The following PPM1H variants were observed in gnomAD, a reference collection of about 807,000 sequenced individuals.
PPM1H encodes the protein protein phosphatase 1H.
PPM1H carries 27 observed loss-of-function variants against 54.9 expected under a neutral mutation model. That is an observed-to-expected ratio of 0.49 (90% confidence interval 0.36 to 0.68). PPM1H has a LOEUF of 0.68. Ranked by LOEUF, PPM1H falls within the 30% of genes least tolerant of loss-of-function variation. The pLI is 0.00. For missense variants in PPM1H, 596 were observed against 667.8 expected, an observed-to-expected ratio of 0.89 and a Z score of 1.19; for synonymous variants, 305 against 270.8, an observed-to-expected ratio of 1.13 and a Z score of -1.24.
intron 4 of PPM1H, among the ~76,000 whole-genome samples, chr12:62,772,682 G>C (rs1018806148): frequency 6.6e-6 from 1 of 152,054 alleles, no homozygotes; most frequent in Non-Finnish European, 1.5e-5. Flanking sequence ...CCCTTATGAA[G>C]GGATTCTGGA....
intron 2 of PPM1H, among the ~76,000 whole-genome samples, chr12:62,808,565 G>C (rs1342005609): frequency 2.6e-5 from 4 of 151,964 alleles, no homozygotes; most frequent in Non-Finnish European, 4.4e-5. Context: ...TGCCGTCTCT[G>C]ATTGAATCTC....
intron 6 of PPM1H, among the ~76,000 whole-genome samples, chr12:62,718,998 A>T (rs921837327): frequency 6.6e-6 from 1 of 152,250 alleles, no homozygotes; most frequent in Non-Finnish European, 1.5e-5. Context: ...AAATGGGTGT[A>T]GCTATATTTT....
chr12:62,715,030 G>A (rs978914168), intron 6 of PPM1H, among the ~76,000 whole-genome samples: 6 of 152,200 alleles, frequency 3.9e-5, no homozygotes, highest in Non-Finnish European at 8.8e-5. Flanking sequence ...CACGAAGTAC[G>A]CTGATCCTAC....
At chr12:62,796,817 C>G (rs1303455410) in intron 3 of PPM1H, among the ~76,000 whole-genome samples, 2 of 152,330 alleles carry the variant, frequency 1.3e-5, no homozygotes, top group Admixed American at 6.5e-5. Context: ...TTAGGCTATT[C>G]TTTCATTTTA....
chr12:62,757,977 G>A (rs2076485811), intron 4 of PPM1H, among the ~76,000 whole-genome samples: 1 of 152,174 alleles, frequency 6.6e-6, no homozygotes, highest in African/African-American at 2.4e-5. Context: ...GGTTTAGAAG[G>A]AATTAGAAAG....
At chr12:62,898,405 G>T (rs1871060939) in intron 1 of PPM1H, among the ~76,000 whole-genome samples, 2 of 152,162 alleles carry the variant, frequency 1.3e-5, no homozygotes, top group South Asian at 2.1e-4. Context: ...TCAGTGTGGG[G>T]CGACAAAGGA....
chr12:62,874,398 A>T (rs1047211737), intron 1 of PPM1H, among the ~76,000 whole-genome samples: 3 of 152,198 alleles, frequency 2.0e-5, no homozygotes, highest in Non-Finnish European at 4.4e-5. Context: ...CCCAGGATAC[A>T]CCTTTAACAT....
chr12:62,731,117 T>TTATAATTAG, intron 5 of PPM1H, among the ~76,000 whole-genome samples: 1 of 152,220 alleles, frequency 6.6e-6, no homozygotes, highest in African/African-American at 2.4e-5. Flanking sequence ...AGTTCACATT[T>TTATAATTAG]AAATTTCTAC....
At chr12:62,853,578 C>T (rs1329323928) in intron 1 of PPM1H, among the ~76,000 whole-genome samples, 2 of 152,144 alleles carry the variant, frequency 1.3e-5, no homozygotes, top group South Asian at 2.1e-4. Flanking sequence ...ATGTAGTTCT[C>T]GGTTTCCTGG....
intron 1 of PPM1H, among the ~76,000 whole-genome samples, chr12:62,903,175 G>GA (rs1301577542): frequency 6.6e-6 from 1 of 152,132 alleles, no homozygotes; most frequent in Admixed American, 6.6e-5. Flanking sequence ...CAGATTCCAA[G>GA]TTTTTCCCAT....
Position 62,667,329 on chromosome 12 carries a change from C to A in PPM1H, c.1246G>T (p.Val416Leu). 1 of 1,573,436 alleles carries A rather than the reference C, an allele frequency of 6.4e-7. No homozygotes were observed. The highest frequency in any genetic ancestry group is 8.6e-7 in the Non-Finnish European group (1 of 1,159,742). ...TATTTTGAAAGATCGTAGATTCTTA[C>A]CTGAAAAAAAACAAGAATACTACCA... ...IKPFLSSAPE[V>L]RIYDLSKYDH... Residue 416 changes from valine to leucine, a missense_variant and splice_region_variant, in exon 9 of 10, where the codon GTA (valine) becomes TTA (leucine). Transcript: ENST00000228705.
At chr12:62,769,309 G>T (rs938969793) in intron 4 of PPM1H, among the ~76,000 whole-genome samples, 3 of 152,146 alleles carry the variant, frequency 2.0e-5, no homozygotes, top group African/African-American at 7.2e-5. Context: ...CAGAAAAGGT[G>T]GTGTCCCTAA....
chr12:62,772,124 T>G (rs34904842), intron 4 of PPM1H, among the ~76,000 whole-genome samples: 6,060 of 152,292 alleles, frequency 0.04, 135 homozygotes, highest in Middle Eastern at 0.071. Context: ...ACCCCTAGCA[T>G]TTCTATTTTA....
intron 1 of PPM1H, among the ~76,000 whole-genome samples, chr12:62,861,844 C>T (rs768697627): frequency 6.6e-6 from 1 of 152,142 alleles, no homozygotes; most frequent in Admixed American, 6.5e-5. Flanking sequence ...GCTCCAGCTG[C>T]CTGGGAATAT....
intron 4 of PPM1H, among the ~76,000 whole-genome samples, chr12:62,766,549 A>T (rs968746724): frequency 3.3e-5 from 5 of 149,862 alleles, no homozygotes; most frequent in Middle Eastern, 3.2e-3. Context: ...AAAATGAATT[A>T]AAAAAAGCCA....
intron 3 of PPM1H, among the ~76,000 whole-genome samples, chr12:62,800,520 G>C (rs576771465): frequency 7.4e-4 from 112 of 151,978 alleles, no homozygotes; most frequent in Middle Eastern, 3.4e-3. Flanking sequence ...TGTATTTTTG[G>C]TAGAGACGGG....
At chr12:62,725,778 A>G (rs899054809) in intron 5 of PPM1H, among the ~76,000 whole-genome samples, 3 of 152,124 alleles carry the variant, frequency 2.0e-5, no homozygotes, top group African/African-American at 7.2e-5. Context: ...AGGAGATGAC[A>G]TGTCATGCCT....
At chr12:62,763,311 C>T (rs2076521037) in intron 4 of PPM1H, among the ~76,000 whole-genome samples, 1 of 152,290 alleles carries the variant, frequency 6.6e-6, no homozygotes, top group East Asian at 1.9e-4. Context: ...TCGGCTCCCT[C>T]CCCTCTATAA....
At chr12:62,659,327 C>A in intron 9 of PPM1H, 1 of 459,644 alleles carries the variant, frequency 2.2e-6, no homozygotes. Context: ...CTGGCTCATC[C>A]ATAAAGCCGC....
Sources: allele counts gnomAD v4.1 joint callset (sites outside exome capture counted in the v4.1 genomes callset), GRCh38; gene constraint gnomAD v4.1.1; transcripts MANE v1.5; gene names NCBI Gene and HGNC (gene_info 2026-07-23, HGNC 2026-07-21).